Variants in BLVRA observed in about 807,000 individuals in gnomAD.
BLVRA encodes biliverdin reductase A.
BLVRA carries 22 observed loss-of-function variants against 32.8 expected under a neutral mutation model. The observed-to-expected ratio is 0.67, with a 90% CI of 0.48 to 0.96. BLVRA has a LOEUF of 0.96. Ranked by LOEUF, BLVRA falls within the 40% of genes least tolerant of loss-of-function variation. BLVRA has a pLI of 0.00. For missense variants in BLVRA, 323 were observed against 358.1 expected (o/e 0.90, Z 0.79); for synonymous variants, 119 against 141.3 (o/e 0.84, Z 1.12).
intron 1 of BLVRA, among the ~76,000 whole-genome samples, chr7:43,759,214 C>T (rs2095739706): frequency 6.6e-6 from 1 of 152,266 alleles, no homozygotes; most frequent in African/African-American, 2.4e-5. Flanking sequence ...CCACGCGAGG[C>T]ACTTGGCCTC....
chr7:43,760,673 G>A (rs1048348294), intron 1 of BLVRA, among the ~76,000 whole-genome samples: 1 of 151,566 alleles, frequency 6.6e-6, no homozygotes, highest in African/African-American at 2.4e-5. Flanking sequence ...TTCCATTAAT[G>A]GACAGTGTAT....
At chr7:43,780,833 T>C (rs1232868443) in intron 2 of BLVRA, among the ~76,000 whole-genome samples, 2 of 152,272 alleles carry the variant, frequency 1.3e-5, no homozygotes, top group African/African-American at 2.4e-5. Flanking sequence ...ATTTTGTTTT[T>C]GTGCAAATAC....
At chr7:43,773,320 G>A (rs1277694481) in intron 2 of BLVRA, among the ~76,000 whole-genome samples, 4 of 150,056 alleles carry the variant, frequency 2.7e-5, no homozygotes, top group Non-Finnish European at 5.9e-5. Flanking sequence ...CCCGGAGTTC[G>A]ATGTTCCCCT....
chr7:43,761,977 G>C (rs1386743482), intron 1 of BLVRA, among the ~76,000 whole-genome samples: 1 of 152,102 alleles, frequency 6.6e-6, no homozygotes, highest in African/African-American at 2.4e-5. Context: ...CAGGGCAAGA[G>C]TTGCTTTTAC....
intron 5 of BLVRA, among the ~76,000 whole-genome samples, chr7:43,799,928 C>T (rs1418512927): frequency 6.6e-6 from 1 of 152,112 alleles, no homozygotes; most frequent in Non-Finnish European, 1.5e-5. Context: ...CATTTCATTT[C>T]TCAGGTTTTC....
At position 43,800,476 on chromosome 7, in the gene BLVRA, C is replaced by A. The variant is rs1188763213; in HGVS notation, c.364C>A (p.His122Asn). The change falls in exon 6 of 8, where the codon CAC becomes AAC. Residue 122 changes from histidine (H) to asparagine (N), a missense_variant. By Grantham distance (68) the His-to-Asn change is moderately conservative (BLOSUM62 1). Transcript: ENST00000265523. ...TTTTGTCGTTACAGGAAAAGTCTTGCACGAGGAGCATGTTGAACTCTTGAT... is the reference window on the plus strand; with the variant it reads ...TTTTGTCGTTACAGGAAAAGTCTTGAACGAGGAGCATGTTGAACTCTTGAT... ...ELAEQKGKVL[H>N]EEHVELLMEE... 1.2e-6 allele frequency: 2 copies of A among 1,614,064 alleles called. No homozygotes were observed. Among genetic ancestry groups the A allele is most frequent in the Non-Finnish European group, 1.7e-6 (2 of 1,179,932 alleles).
chr7:43,807,129 T>C lies in BLVRA; in HGVS notation c.785T>C (p.Leu262Pro). ...LKDQNIFVQKLLGQFSEKELA... is the reference protein window; with the variant it reads ...LKDQNIFVQKPLGQFSEKELA... ...GATCAAAATATATTTGTCCAGAAACTCTTGGGCCAGTTCTCTGAGAAGGAA... is the reference window on the plus strand; with the variant it reads ...GATCAAAATATATTTGTCCAGAAACCCTTGGGCCAGTTCTCTGAGAAGGAA... The change falls in exon 8 of 8, where the codon CTC becomes CCC. Residue 262 changes from leucine to proline, a missense_variant. Physicochemically the swap from Leu to Pro is moderately conservative, Grantham distance 98. Coordinates refer to ENST00000265523, the MANE Select transcript of BLVRA (RefSeq NM_000712.4). 1 of 1,614,096 alleles carries C rather than the reference T, an allele frequency of 6.2e-7. No homozygotes were observed. Among genetic ancestry groups the C allele is most frequent in the Non-Finnish European group, 8.5e-7 (1 of 1,180,036 alleles).
At chr7:43,806,069 T>G (rs567942641) in intron 7 of BLVRA, among the ~76,000 whole-genome samples, 2 of 152,308 alleles carry the variant, frequency 1.3e-5, no homozygotes, top group African/African-American at 4.8e-5. Context: ...TCCCAGCACT[T>G]TGGGAGGCTA....
At chr7:43,775,612 G>A (rs1199712211) in intron 2 of BLVRA, among the ~76,000 whole-genome samples, 3 of 152,034 alleles carry the variant, frequency 2.0e-5, no homozygotes, top group African/African-American at 7.3e-5. Context: ...TTTTTTGGTT[G>A]TGTCTCTGCC....
intron 2 of BLVRA, among the ~76,000 whole-genome samples, chr7:43,784,852 G>A (rs890108369): frequency 2.6e-5 from 4 of 151,984 alleles, no homozygotes; most frequent in Admixed American, 1.3e-4. Flanking sequence ...CAAGTGATCC[G>A]CCCACCTCAG....
At chr7:43,788,617 T>C (rs757179097) in intron 3 of BLVRA, among the ~76,000 whole-genome samples, 11 of 152,060 alleles carry the variant, frequency 7.2e-5, no homozygotes, top group Non-Finnish European at 1.3e-4. Flanking sequence ...ATTATTATTA[T>C]TATTTTTTTT....
intron 5 of BLVRA, among the ~76,000 whole-genome samples, chr7:43,797,244 C>T (rs968164743): frequency 3.9e-5 from 6 of 152,238 alleles, no homozygotes; most frequent in African/African-American, 1.4e-4. Context: ...CACACCACCA[C>T]ACACAGCTAA....
At chr7:43,768,050 G>A (rs1260122578) in intron 1 of BLVRA, among the ~76,000 whole-genome samples, 1 of 152,174 alleles carries the variant, frequency 6.6e-6, no homozygotes, top group Non-Finnish European at 1.5e-5. Context: ...AATAATATCA[G>A]AGTGTATTCC....
intron 6 of BLVRA, among the ~76,000 whole-genome samples, chr7:43,801,803 G>A (rs1563552123): frequency 1.3e-5 from 2 of 152,132 alleles, no homozygotes; most frequent in Non-Finnish European, 2.9e-5. Flanking sequence ...AGCTCTCTAA[G>A]TGGCTGGAAC....
chr7:43,792,507 A>G (rs921490455), intron 4 of BLVRA, among the ~76,000 whole-genome samples: 2 of 152,244 alleles, frequency 1.3e-5, no homozygotes, highest in African/African-American at 4.8e-5. Context: ...ACATAACCAG[A>G]AAGTTGATCT....
At chr7:43,768,123 T>C (rs1334694864) in intron 1 of BLVRA, among the ~76,000 whole-genome samples, 4 of 152,266 alleles carry the variant, frequency 2.6e-5, no homozygotes, top group Admixed American at 6.5e-5. Flanking sequence ...ATAGGCCTTC[T>C]TGCTATAATC....
chr7:43,791,960 C>CAA (rs1374566428), intron 4 of BLVRA: 1 of 158,006 alleles, frequency 6.3e-6, no homozygotes, highest in Non-Finnish European at 1.4e-5. Context: ...CTAGAGTAGA[C>CAA]AAAAACACCT....
At position 43,803,744 on chromosome 7, in the gene BLVRA, G is replaced by C; in HGVS notation, c.529G>C (p.Val177Leu). 6.2e-7 allele frequency: 1 copy of C among 1,614,152 alleles called. No individual in the cohort carries two copies. The highest frequency in any genetic ancestry group is 1.1e-5 in the South Asian group (1 of 91,080). Residue 177 changes from valine to leucine, a missense_variant, in exon 7 of 8, where the codon GTC becomes CTC. Val to Leu is a conservative substitution (Grantham distance 32). Transcript: ENST00000265523. ...CGGCATCTCTCGCCTGACCTGGCTG[G>C]TCTCCCTCTTTGGGGAGCTTTCTCT... Reference protein sequence around the residue: ...FSGISRLTWLVSLFGELSLVS... With the variant: ...FSGISRLTWLLSLFGELSLVS...
chr7:43,806,946 A>G, intron 7 of BLVRA, 31 bp from the exon 8 acceptor site: 1 of 1,612,500 alleles, frequency 6.2e-7, no homozygotes, highest in Non-Finnish European at 8.5e-7. Context: ...TGTAATCTCT[A>G]ACATGATTCT....
Sources: allele counts gnomAD v4.1 joint callset (sites outside exome capture counted in the v4.1 genomes callset), GRCh38; gene constraint gnomAD v4.1.1; transcripts MANE v1.5; gene names NCBI Gene and HGNC (gene_info 2026-07-23, HGNC 2026-07-21).